Variants in ADAMTSL1 observed in about 807,000 individuals in gnomAD.
The protein encoded by ADAMTSL1 is ADAMTS like 1.
ADAMTSL1 carries 126 observed loss-of-function variants against 201.8 expected under a neutral mutation model. That is an observed-to-expected ratio of 0.62 (90% CI 0.54 to 0.72). The LOEUF is 0.72. ADAMTSL1 is among the 30% of genes least tolerant of loss of function. The pLI is 0.00. For synonymous variants in ADAMTSL1, 1,121 were observed against 903.4 expected (o/e 1.24, Z -4.32); for missense variants, 2,679 against 2,277.8 (o/e 1.18, Z -3.59).
At chr9:18,628,928 A>G (rs567682775) in intron 5 of ADAMTSL1, among the ~76,000 whole-genome samples, 1 of 152,266 alleles carries the variant, frequency 6.6e-6, no homozygotes, top group South Asian at 2.1e-4. Context: ...CACAGATGTA[A>G]TCATAGCACA....
intron 2 of ADAMTSL1, among the ~76,000 whole-genome samples, chr9:18,254,623 A>G (rs1831607462): frequency 6.6e-6 from 1 of 151,194 alleles, no homozygotes; most frequent in Admixed American, 6.6e-5. Context: ...TCGGCCTCCC[A>G]AAGTGCTGGG....
At chr9:17,958,562 CA>C (rs1017404643) in intron 1 of ADAMTSL1, among the ~76,000 whole-genome samples, 236 of 152,288 alleles carry the variant, frequency 1.5e-3, no homozygotes, top group African/African-American at 5.4e-3. Context: ...GGGCATTGGA[CA>C]AAATGTTCTT....
At chr9:18,364,493 C>G (rs1162529872) in intron 2 of ADAMTSL1, among the ~76,000 whole-genome samples, 4 of 152,138 alleles carry the variant, frequency 2.6e-5, no homozygotes, top group Admixed American at 6.5e-5. Flanking sequence ...CCAGAGAAAA[C>G]TCCAAGAGAC....
chr9:17,994,090 TTGTGTGTG>T (rs367861504), intron 1 of ADAMTSL1, among the ~76,000 whole-genome samples: 2 of 142,086 alleles, frequency 1.4e-5, no homozygotes, highest in African/African-American at 2.6e-5. Context: ...CAGAATCTCA[TTGTGTGTG>T]TGTGTGTGTG....
chr9:18,419,311 C>CA, intron 2 of ADAMTSL1, among the ~76,000 whole-genome samples: 1 of 151,984 alleles, frequency 6.6e-6, no homozygotes, highest in Non-Finnish European at 1.5e-5. Context: ...AGACATGACT[C>CA]AAAAAAGCAT....
chr9:17,952,664 C>T lies in ADAMTSL1; in HGVS notation c.87+45742C>T, dbSNP rs937356232. Among the ~76,000 whole-genome samples, 19 of 152,258 alleles carry T rather than the reference C, an allele frequency of 1.2e-4. No homozygotes were observed. In the South Asian group the frequency reaches 1.7e-3, roughly 13 times the overall value. ...CTGGAGTGGAGGGACCACAGGCACA[C>T]ACCACCACGCCCAGCTAATTTTTGT... On this transcript the variant is annotated intron_variant, in intron 1 of 29. Coordinates refer to the ADAMTSL1 transcript ENST00000680146.
intron 1 of ADAMTSL1, among the ~76,000 whole-genome samples, chr9:18,079,556 C>T (rs1052183305): frequency 6.6e-6 from 1 of 151,920 alleles, no homozygotes; most frequent in Non-Finnish European, 1.5e-5. Flanking sequence ...GTGGTGCACG[C>T]CTGTAGTCCC....
Position 18,887,823 on chromosome 9 carries a change from C to A in ADAMTSL1, c.4250-8C>A. ...TACTAAGGCTTACTTCTTTTCCTCT[C>A]CTTCTAGGCTGCCCCATCAAAGGTC... On this transcript the variant is annotated splice_polypyrimidine_tract_variant and splice_region_variant and intron_variant, in intron 23 of 28. Transcript: ENST00000380548. The A allele has an allele frequency of 6.2e-7, 1 of 1,612,364 alleles. No homozygotes were observed. The highest frequency in any genetic ancestry group is 1.1e-5 in the South Asian group (1 of 90,656).
intron 2 of ADAMTSL1, among the ~76,000 whole-genome samples, chr9:18,374,216 G>A (rs186242572): frequency 1.3e-4 from 20 of 152,218 alleles, no homozygotes; most frequent in African/African-American, 4.6e-4. Flanking sequence ...CATTTGCCCT[G>A]GTCCTTCCTT....
intron 2 of ADAMTSL1, among the ~76,000 whole-genome samples, chr9:18,272,900 A>G (rs937174633): frequency 2.6e-5 from 4 of 152,226 alleles, no homozygotes; most frequent in Admixed American, 1.3e-4. Context: ...TGCCTTATGT[A>G]CTGCCTAATG....
rs1830485682 is a variant in ADAMTSL1 at position 18,909,364 on chromosome 9, T to C, written c.*816T>C. ...TGCTGCCCACAACAGAGCACTGCGC[T>C]GCGTGGGAGTCCCCACTTCCCAAGC... On this transcript the variant is annotated 3_prime_UTR_variant, in exon 29 of 29. Coordinates refer to ENST00000380548, the MANE Select transcript of ADAMTSL1 (RefSeq NM_001040272.6). 6.6e-6 allele frequency: 1 copy of C among 152,306 alleles called. No homozygotes were observed. The highest frequency in any genetic ancestry group is 2.4e-5 in the African/African-American group (1 of 41,460). The allele number at this position is 152,306 out of a possible 1,614,324, so 9.4% of individuals were successfully genotyped here.
chr9:18,588,494 T>G (rs1823665719), intron 4 of ADAMTSL1, among the ~76,000 whole-genome samples: 1 of 152,154 alleles, frequency 6.6e-6, no homozygotes, highest in Admixed American at 6.6e-5. Context: ...TGCTTTTGTT[T>G]TCTGTGCTTT....
At chr9:18,717,090 T>A (rs1232261156) in intron 14 of ADAMTSL1, among the ~76,000 whole-genome samples, 2 of 91,276 alleles carry the variant, frequency 2.2e-5, no homozygotes, top group African/African-American at 4.7e-5. Context: ...TGTGGTGGGG[T>A]GGGGGGACGG....
intron 20 of ADAMTSL1, among the ~76,000 whole-genome samples, chr9:18,813,147 A>C (rs1432823497): frequency 6.6e-6 from 1 of 151,782 alleles, no homozygotes; most frequent in Admixed American, 6.6e-5. Context: ...TTGTATTTTT[A>C]GTAGAGATGG....
chr9:18,761,011 A>G (rs1284306104), intron 16 of ADAMTSL1, among the ~76,000 whole-genome samples: 1 of 152,194 alleles, frequency 6.6e-6, no homozygotes, highest in African/African-American at 2.4e-5. Context: ...ACCATTTTTT[A>G]TAAATCCCCA....
upstream of ADAMTSL1, among the ~76,000 whole-genome samples, chr9:18,470,124 G>C (rs1821150015): frequency 1.3e-5 from 2 of 152,188 alleles, no homozygotes; most frequent in Non-Finnish European, 1.5e-5. Flanking sequence ...GCCTTTGATA[G>C]AGCCCCAAAT....
intron 1 of ADAMTSL1, among the ~76,000 whole-genome samples, chr9:18,100,132 AC>A (rs1824452541): frequency 6.6e-6 from 1 of 152,070 alleles, no homozygotes; most frequent in Admixed American, 6.6e-5. Flanking sequence ...GTAGATTGTT[AC>A]AGTTTCAAAC....
intron 1 of ADAMTSL1, among the ~76,000 whole-genome samples, chr9:17,931,520 A>T (rs1554666295): frequency 2.6e-5 from 4 of 152,154 alleles, no homozygotes; most frequent in Non-Finnish European, 2.9e-5. Context: ...GTACATTTAA[A>T]CTCTAAAATT....
intron 23 of ADAMTSL1, among the ~76,000 whole-genome samples, chr9:18,867,002 G>A (rs957135491): frequency 1.3e-5 from 2 of 152,218 alleles, no homozygotes; most frequent in Non-Finnish European, 2.9e-5. Context: ...TTCAGGAGGT[G>A]TGCACAGCCC....
Sources: allele counts gnomAD v4.1 joint callset (sites outside exome capture counted in the v4.1 genomes callset), GRCh38; gene constraint gnomAD v4.1.1; transcripts MANE v1.5; gene names NCBI Gene and HGNC (gene_info 2026-07-23, HGNC 2026-07-21).